The following FAIM2 variants were observed in gnomAD, a reference collection of about 807,000 sequenced individuals.
The protein encoded by FAIM2 is Fas apoptotic inhibitory molecule 2.
A neutral mutation model predicts 47.4 loss-of-function variants in FAIM2; 27 were observed. The observed-to-expected ratio is 0.57, with a 90% CI of 0.42 to 0.78. The LOEUF (loss-of-function observed/expected upper bound fraction) is 0.78. Among genes scored for constraint, FAIM2 ranks in the 30% least tolerant of loss-of-function variants. FAIM2 has a pLI of 0.00. For synonymous variants in FAIM2, 156 were observed against 159.3 expected (o/e 0.98, Z 0.16); for missense variants, 311 against 389.4 (o/e 0.80, Z 1.69).
At position 49,903,896 on chromosome 12, in the gene FAIM2, C is replaced by A. The variant is rs1021332987; in HGVS notation, c.-104G>T. ...TCCTCCGCGTGGGTTCTAGCAACATCCACTGCAGCCGGGCCAGGCGAGCCG... is the reference window on the plus strand; with the variant it reads ...TCCTCCGCGTGGGTTCTAGCAACATACACTGCAGCCGGGCCAGGCGAGCCG... On this transcript the variant is annotated 5_prime_UTR_variant, in exon 1 of 12. Coordinates refer to ENST00000320634, the MANE Select transcript of FAIM2 (RefSeq NM_012306.4). The A allele has an allele frequency of 3.0e-5, 36 of 1,220,154 alleles. No homozygotes were observed. Among genetic ancestry groups the A allele is most frequent in the Admixed American group, 1.4e-4 (5 of 36,708 alleles). The allele number at this position is 1,220,154 out of a possible 1,614,324, so 75.6% of individuals were successfully genotyped here.
At chr12:49,879,922 GTGTA>G (rs570530852) in intron 11 of FAIM2, among the ~76,000 whole-genome samples, 220 of 151,778 alleles carry the variant, frequency 1.4e-3, no homozygotes, top group African/African-American at 4.5e-3. Flanking sequence ...GTGTGCATAT[GTGTA>G]TGTATGTGCC....
intron 5 of FAIM2, among the ~76,000 whole-genome samples, chr12:49,892,546 T>C (rs371163246): frequency 2.0e-5 from 3 of 152,152 alleles, no homozygotes; most frequent in Non-Finnish European, 4.4e-5. Context: ...TCAGTCCTTA[T>C]CTTGCCTGGC....
In FAIM2 at chr12:49,874,296, C is replaced by T. The variant is rs955802015; in HGVS notation, c.802-3643G>A. On this transcript the variant is annotated intron_variant, in intron 11 of 11. Coordinates refer to ENST00000320634, the MANE Select transcript of FAIM2 (RefSeq NM_012306.4). The surrounding 1 kb of genome is among the most constrained non-coding windows in gnomAD (Gnocchi z 4.2). ...GACCAACACTTGATCTCATCTCCCT[C>T]TCCCCATTTGCCCTGGGAGGTGGGC... Among the ~76,000 whole-genome samples the T allele has an allele frequency of 1.3e-5, 2 of 152,192 alleles. No homozygotes were observed. The highest frequency in any genetic ancestry group is 4.8e-5 in the African/African-American group (2 of 41,434).
At chr12:49,886,017 G>A (rs1946858561) in intron 11 of FAIM2, among the ~76,000 whole-genome samples, 1 of 151,922 alleles carries the variant, frequency 6.6e-6, no homozygotes, top group Non-Finnish European at 1.5e-5. Context: ...CCCCATTTCA[G>A]CCCCCTCAGC....
rs896793321 is a variant in FAIM2 at position 49,894,430 on chromosome 12, C to T, written c.434+2601G>A. Among the ~76,000 whole-genome samples, 8 of 152,020 alleles carry T rather than the reference C, an allele frequency of 5.3e-5. No homozygotes were observed. The East Asian group carries it at 9.7e-4, about 18-fold the overall frequency. On this transcript the variant is annotated intron_variant, in intron 5 of 11. Coordinates refer to ENST00000320634, the MANE Select transcript of FAIM2 (RefSeq NM_012306.4). ...GCACAATCAGACAATAAGGTGAGAA[C>T]CAATGGAGGGAGGCGATGAGGGCCT...
rs1946691526 is a variant in FAIM2 at position 49,870,144 on chromosome 12, G to A, written c.*360C>T. 4 of 226,696 alleles carry A rather than the reference G, an allele frequency of 1.8e-5. No individual in the cohort carries two copies. Among genetic ancestry groups the A allele is most frequent in the Non-Finnish European group, 3.5e-5 (4 of 114,488 alleles). 14.0% of individuals were successfully genotyped at this position (226,696 alleles called of 1,614,324 possible). A position where few individuals can be genotyped will look rare whatever the true frequency, so the allele number is the denominator to read the frequency against. On this transcript the variant is annotated 3_prime_UTR_variant, in exon 12 of 12. Coordinates refer to ENST00000320634, the MANE Select transcript of FAIM2 (RefSeq NM_012306.4). ...GTGCAGCCCTAGGAGGAATTGCAGT[G>A]GGGCTCAGGGCTCTGCCGGGCTTCC...
intron 11 of FAIM2, among the ~76,000 whole-genome samples, chr12:49,880,520 AT>A (rs1565615064): frequency 1.0e-5 from 1 of 97,482 alleles, no homozygotes; most frequent in Non-Finnish European, 2.0e-5. Flanking sequence ...GTGTATGTGC[AT>A]GTGTATATGT....
chr12:49,877,713 G>A (rs149597364), intron 11 of FAIM2, among the ~76,000 whole-genome samples: 1,382 of 88,610 alleles, frequency 0.016, 17 homozygotes, highest in Non-Finnish European at 0.022. Flanking sequence ...ATGTGTGTGC[G>A]CGCACACGGC....
chr12:49,872,570 C>T (rs940357783), intron 11 of FAIM2, among the ~76,000 whole-genome samples: 2 of 152,172 alleles, frequency 1.3e-5, no homozygotes, highest in African/African-American at 4.8e-5. Context: ...GAATCCTAGT[C>T]GAATCCCAGC....
intron 11 of FAIM2, among the ~76,000 whole-genome samples, chr12:49,875,450 G>C (rs1946729741): frequency 6.6e-6 from 1 of 152,136 alleles, no homozygotes; most frequent in Non-Finnish European, 1.5e-5. Context: ...GGAGTGAAGA[G>C]AGACCACTGA....
chr12:49,900,936 ATCTC>A (rs1410352765), intron 2 of FAIM2, among the ~76,000 whole-genome samples, 190 bp downstream of exon 2: 1 of 152,066 alleles, frequency 6.6e-6, no homozygotes, highest in African/African-American at 2.4e-5. Flanking sequence ...CAGACATTGT[ATCTC>A]TCTCTGTTTT....
chr12:49,888,559 T>A (rs1211902502), intron 10 of FAIM2, among the ~76,000 whole-genome samples: 1 of 151,864 alleles, frequency 6.6e-6, no homozygotes, highest in African/African-American at 2.4e-5. Context: ...GCCTGCAGAG[T>A]CTCAGTTGGA....
rs772238347 is a variant in FAIM2, at chr12:49,870,515, T to C, written c.940A>G (p.Asn314Asp). 6.2e-7 allele frequency: 1 copy of C among 1,613,622 alleles called. No individual in the cohort carries two copies. Among genetic ancestry groups the C allele is most frequent in the East Asian group, 2.2e-5 (1 of 44,862 alleles). ...FTFFLQLFGT[N>D]RE ...GCAGGGAGGGCTCCTCATTCTCGGT[T>C]AGTGCCAAAAAGCTGCAGGAAGAAG... Residue 314 changes from asparagine to aspartate, a missense_variant, in exon 12 of 12, where the codon AAC (asparagine) becomes GAC (aspartate). Asn to Asp is a conservative substitution (Grantham distance 23, BLOSUM62 1). Coordinates refer to ENST00000320634, the MANE Select transcript of FAIM2 (RefSeq NM_012306.4).
rs148982058 is a variant in FAIM2, at chr12:49,894,659, C to G, written c.434+2372G>C. ...TCAGGTGCAGGCCAGCATCCAAACA[C>G]AATGCCTTTCCCCAGCTTGTCCTGC... On this transcript the variant is annotated intron_variant, in intron 5 of 11. Transcript: ENST00000320634. Among the ~76,000 whole-genome samples the G allele has an allele frequency of 2.9e-4, 44 of 152,324 alleles. 1 individual carries two copies. Among genetic ancestry groups the G allele is most frequent in the African/African-American group, 9.1e-4 (38 of 41,574 alleles).
intron 11 of FAIM2, among the ~76,000 whole-genome samples, chr12:49,879,756 ATG>A (rs369847650): frequency 0.027 from 3,811 of 141,734 alleles, 79 homozygotes; most frequent in African/African-American, 0.058. Flanking sequence ...GTATGCATGT[ATG>A]TGTGTGCACG....
At chr12:49,895,650 C>T (rs775284267) in intron 5 of FAIM2, among the ~76,000 whole-genome samples, 33 of 152,206 alleles carry the variant, frequency 2.2e-4, no homozygotes, top group Non-Finnish European at 4.6e-4. Flanking sequence ...GCCCTCTGTC[C>T]TCTGCTCTAG....
chr12:49,879,370 G>C (rs1050518882), intron 11 of FAIM2, among the ~76,000 whole-genome samples: 1 of 151,228 alleles, frequency 6.6e-6, no homozygotes, highest in Admixed American at 6.6e-5. Flanking sequence ...GTGTGTGCAT[G>C]TGTGTATATG....
chr12:49,898,186 C>T, intron 2 of FAIM2, 96 bp from the exon 3 acceptor site: 1 of 622,886 alleles, frequency 1.6e-6, no homozygotes, highest in African/African-American at 3.2e-5. Context: ...TTTTGTCAAC[C>T]TGGCTCTCTG....
intron 2 of FAIM2, among the ~76,000 whole-genome samples, chr12:49,898,612 A>G (rs546385604): frequency 1.3e-5 from 2 of 152,068 alleles, no homozygotes; most frequent in African/African-American, 4.8e-5. Context: ...GGCAGCCTCG[A>G]CTTCCCCTGG....
Sources: gnomAD v4.1 joint callset for allele counts (sites outside exome capture counted in the v4.1 genomes callset) on GRCh38, gnomAD v4.1.1 for gene constraint, Gnocchi (gnomAD v3.1) non-coding constraint, MANE v1.5 for transcripts, NCBI Gene and HGNC (gene_info 2026-07-23, HGNC 2026-07-21) for gene names.